The following WWOX variants were observed in gnomAD, a reference collection of about 807,000 sequenced individuals.
WWOX encodes WW domain containing oxidoreductase.
In WWOX, 69 loss-of-function variants were observed where a neutral mutation model predicts 46.2. That is an observed-to-expected ratio of 1.49 (90% CI 1.23 to 1.82). WWOX has a LOEUF of 1.82. WWOX is among the 40% of genes most tolerant of loss of function. WWOX has a pLI of 0.00. For synonymous variants in WWOX, 359 were observed against 202.6 expected (o/e 1.77, Z -6.56); for missense variants, 919 against 542.6 (o/e 1.69, Z -6.89).
At chr16:78,125,521 C>T (rs2033325353) in intron 4 of WWOX, among the ~76,000 whole-genome samples, 1 of 152,070 alleles carries the variant, frequency 6.6e-6, no homozygotes, top group Non-Finnish European at 1.5e-5. Flanking sequence ...GCGGGGAGGG[C>T]CAAGGCAGAT....
chr16:79,131,644 C>T (rs577716771), intron 8 of WWOX, among the ~76,000 whole-genome samples: 1 of 152,278 alleles, frequency 6.6e-6, no homozygotes, highest in South Asian at 2.1e-4. Flanking sequence ...GAGGCTTTAT[C>T]TCTGCCATGG....
chr16:78,362,478 A>G (rs9939616), intron 5 of WWOX, among the ~76,000 whole-genome samples: 111,285 of 151,864 alleles, frequency 0.73, 42,174 homozygotes, highest in African/African-American at 0.82. Flanking sequence ...GCGTGGTGGC[A>G]GGCATCTGTT....
intron 6 of WWOX, among the ~76,000 whole-genome samples, chr16:78,413,249 T>C (rs1366412942): frequency 6.6e-6 from 1 of 152,006 alleles, no homozygotes; most frequent in Non-Finnish European, 1.5e-5. Context: ...AGGGAGCCAG[T>C]GAGTGATCTG....
Position 78,702,007 on chromosome 16 carries a change from T to TTATATATATATA in WWOX, c.1056+269282_1056+269293dup, listed in dbSNP as rs869227421. Reference sequence around the variant, plus strand: ...GGAGACTAGCCTGGGCTACATAAAATTATATATATATATATATATATATAT... The same window carrying TTATATATATATA: ...GGAGACTAGCCTGGGCTACATAAAATTATATATATATATATATATATATATATATATATATAT... On this transcript the variant is annotated intron_variant, in intron 8 of 8. Transcript: ENST00000566780. Among the ~76,000 whole-genome samples, 428 of 57,564 alleles carry TTATATATATATA rather than the reference T, an allele frequency of 7.4e-3. 3 individuals are homozygous for TTATATATATATA. The highest frequency in any genetic ancestry group is 9.5e-3 in the Non-Finnish European group (303 of 31,850). The allele number at this position is 57,564 out of a possible 152,430, so 37.8% of individuals were successfully genotyped here.
intron 8 of WWOX, among the ~76,000 whole-genome samples, chr16:78,490,133 A>AATT (rs1555548516): frequency 1.3e-4 from 19 of 141,102 alleles, no homozygotes; most frequent in African/African-American, 2.3e-4. Flanking sequence ...TGGGGAAAAA[A>AATT]TTTTTTTTTT....
chr16:78,789,828 A>G (rs936403045), intron 8 of WWOX, among the ~76,000 whole-genome samples: 8 of 152,160 alleles, frequency 5.3e-5, no homozygotes, highest in Admixed American at 3.9e-4. Context: ...GCTGTAGGGG[A>G]TATATTTTCG....
In WWOX at chr16:78,893,200, A is replaced by G. The variant is rs1201503363; in HGVS notation, c.1057-318408A>G. On this transcript the variant is annotated intron_variant, in intron 8 of 8. Coordinates refer to ENST00000566780, the MANE Select transcript of WWOX (RefSeq NM_016373.4). Reference sequence around the variant, plus strand: ...ATGGAATGACTATAGCTAGAAAAAAAAAAAAGTGGGGATGCCCCTCTTGAC... The same window carrying G: ...ATGGAATGACTATAGCTAGAAAAAAGAAAAAGTGGGGATGCCCCTCTTGAC... 4.6e-5 allele frequency among the ~76,000 whole-genome samples: 7 copies of G among 152,178 alleles called. No homozygotes were observed. In the East Asian group the frequency reaches 1.2e-3, roughly 25 times the overall value.
intron 8 of WWOX, among the ~76,000 whole-genome samples, chr16:78,986,591 C>A (rs1468191771): frequency 2.6e-5 from 4 of 152,134 alleles, no homozygotes; most frequent in Non-Finnish European, 5.9e-5. Context: ...TGACATCATT[C>A]CTTAATTCCA....
chr16:78,690,971 A>T (rs778421788), intron 8 of WWOX, among the ~76,000 whole-genome samples: 1 of 152,100 alleles, frequency 6.6e-6, no homozygotes, highest in Non-Finnish European at 1.5e-5. Context: ...CCAGGCCTCA[A>T]TCTATATGTC....
intron 1 of WWOX, chr16:78,100,188 T>C (rs2078752233): frequency 1.6e-6 from 2 of 1,229,048 alleles, no homozygotes; most frequent in African/African-American, 1.6e-5. Context: ...TAAAGATGTT[T>C]TAAAAAGCGC....
chr16:78,373,661 T>A (rs1176419197), intron 5 of WWOX, among the ~76,000 whole-genome samples: 1 of 152,140 alleles, frequency 6.6e-6, no homozygotes, highest in Non-Finnish European at 1.5e-5. Context: ...CTAGTCTTGG[T>A]TTCTGCCTTT....
chr16:78,940,731 C>CT lies in WWOX; in HGVS notation c.1057-270868dup, dbSNP rs920906146. On this transcript the variant is annotated intron_variant, in intron 8 of 8. Transcript: ENST00000566780. ...AAAGCATATCTACCCAGCGGGGTTACTTTTTTTTTCCCTTTCAGTATTCAT... is the reference window on the plus strand; with the variant it reads ...AAAGCATATCTACCCAGCGGGGTTACTTTTTTTTTTCCCTTTCAGTATTCAT... 3.7e-3 allele frequency among the ~76,000 whole-genome samples: 542 copies of CT among 144,592 alleles called. 5 individuals carry two copies. Among genetic ancestry groups the CT allele is most frequent in the African/African-American group, 0.013 (515 of 38,842 alleles). The allele number at this position is 144,592 out of a possible 152,430, so 94.9% of individuals were successfully genotyped here.
At chr16:79,086,660 C>T (rs1028074632) in intron 8 of WWOX, among the ~76,000 whole-genome samples, 5 of 152,136 alleles carry the variant, frequency 3.3e-5, no homozygotes. Context: ...GTGGGAAAAT[C>T]ACTAGAGTCC....
intron 5 of WWOX, among the ~76,000 whole-genome samples, chr16:78,170,797 A>G (rs1324574137): frequency 6.6e-6 from 1 of 152,244 alleles, no homozygotes; most frequent in African/African-American, 2.4e-5. Flanking sequence ...ACAGCAAGCA[A>G]TGGTTTATAT....
intron 8 of WWOX, among the ~76,000 whole-genome samples, chr16:79,008,745 G>A (rs1394484834): frequency 6.6e-6 from 1 of 152,168 alleles, no homozygotes; most frequent in Non-Finnish European, 1.5e-5. Flanking sequence ...CTTGCTGTTT[G>A]TTGGTTTCAG....
chr16:78,992,761 C>G (rs929515534), intron 8 of WWOX, among the ~76,000 whole-genome samples: 2 of 152,098 alleles, frequency 1.3e-5, no homozygotes, highest in East Asian at 3.9e-4. Context: ...CCCTGACTCC[C>G]GGAGGAAAGT....
intron 8 of WWOX, among the ~76,000 whole-genome samples, chr16:78,468,723 G>A: frequency 6.6e-6 from 1 of 152,180 alleles, no homozygotes; most frequent in Non-Finnish European, 1.5e-5. Flanking sequence ...GCAAAGGAGG[G>A]ATGATGGTAC....
intron 8 of WWOX, among the ~76,000 whole-genome samples, chr16:78,440,612 G>GTTTTTTT (rs57345113): frequency 1.4e-5 from 2 of 144,622 alleles, no homozygotes; most frequent in African/African-American, 5.2e-5. Context: ...AATTTCTGTA[G>GTTTTTTT]TTTTTTTTTT....
intron 8 of WWOX, among the ~76,000 whole-genome samples, chr16:78,434,022 C>G (rs1047949525): frequency 6.6e-6 from 1 of 152,140 alleles, no homozygotes; most frequent in South Asian, 2.1e-4. Flanking sequence ...ATCTCCTGAC[C>G]TCGTGATCCG....
Sources: allele counts gnomAD v4.1 joint callset (sites outside exome capture counted in the v4.1 genomes callset), GRCh38; gene constraint gnomAD v4.1.1; transcripts MANE v1.5; gene names NCBI Gene and HGNC (gene_info 2026-07-23, HGNC 2026-07-21).